The following ZDHHC7 variants were observed in gnomAD, a reference collection of about 807,000 sequenced individuals.
The protein encoded by ZDHHC7 is palmitoyltransferase ZDHHC7.
A neutral mutation model predicts 34.1 loss-of-function variants in ZDHHC7; 12 were observed. That is an observed-to-expected ratio of 0.35 (90% CI 0.23 to 0.57). The LOEUF is 0.57. Among genes scored for constraint, ZDHHC7 ranks in the 20% least tolerant of loss-of-function variants. The pLI is 0.84. For missense variants in ZDHHC7, 388 were observed against 402.7 expected (o/e 0.96, Z 0.31); for synonymous variants, 185 against 155.4 (o/e 1.19, Z -1.42).
chr16:84,999,936 G>T (rs369190706), intron 1 of ZDHHC7, among the ~76,000 whole-genome samples: 15 of 152,232 alleles, frequency 9.9e-5, no homozygotes, highest in East Asian at 5.8e-4. Flanking sequence ...TTAAGCCCAA[G>T]AGTTCAAGAC....
intron 1 of ZDHHC7, among the ~76,000 whole-genome samples, chr16:85,010,877 G>A (rs1279313274): frequency 6.6e-6 from 1 of 152,236 alleles, no homozygotes; most frequent in Admixed American, 6.5e-5. Flanking sequence ...AAGAGGAAGA[G>A]AAGCCACAAC....
the ZDHHC7 span, among the ~76,000 whole-genome samples, chr16:85,023,334 T>A: frequency 6.6e-6 from 1 of 151,972 alleles, no homozygotes; most frequent in East Asian, 1.9e-4. Context: ...CTGGCTAATT[T>A]TCGTATTTTT....
chr16:84,976,571 C>T (rs1455925896), intron 7 of ZDHHC7, 52 bp from the exon 8 acceptor site: 1 of 1,584,936 alleles, frequency 6.3e-7, no homozygotes, highest in African/African-American at 1.4e-5. Context: ...GCTCGGCAGA[C>T]CCCACCAAGC....
At chr16:84,989,709 A>AAAT in intron 3 of ZDHHC7, among the ~76,000 whole-genome samples, 1 of 148,964 alleles carries the variant, frequency 6.7e-6, no homozygotes, top group South Asian at 2.2e-4. Context: ...AAAAAAAAAA[A>AAAT]AAAAAGTCCT....
chr16:85,010,390 AAG>A (rs1184335605), intron 1 of ZDHHC7, among the ~76,000 whole-genome samples: 1 of 152,240 alleles, frequency 6.6e-6, no homozygotes, highest in Non-Finnish European at 1.5e-5. Flanking sequence ...CATAACAAAA[AAG>A]AGATTCTTCA....
chr16:84,978,174 A>T lies in ZDHHC7; in HGVS notation c.538-169T>A. The T allele has an allele frequency of 5.9e-6, 3 of 512,666 alleles. No homozygotes were observed. In the South Asian group the frequency reaches 7.9e-5, roughly 14 times the overall value. The allele number at this position is 512,666 out of a possible 1,614,324, so 31.8% of individuals were successfully genotyped here. A position where few individuals can be genotyped will look rare whatever the true frequency, so the allele number is the denominator to read the frequency against. ...TGCCTCAGCCTCTCAAGTAGCTGAGACTACAAGCACCATGCCCGGCTAACT... is the reference window on the plus strand; with the variant it reads ...TGCCTCAGCCTCTCAAGTAGCTGAGTCTACAAGCACCATGCCCGGCTAACT... On this transcript the variant is annotated intron_variant, in intron 5 of 7. Transcript: ENST00000313732.
chr16:84,989,690 G>A lies in ZDHHC7; in HGVS notation c.315+614C>T, dbSNP rs1273177138. ...GCCTGGGCAAAAAGAGCAAAACTCC[G>A]TCTCAAAAAAAAAAAAAAAAAAAAG... On this transcript the variant is annotated intron_variant, in intron 3 of 7. Transcript: ENST00000313732. Among the ~76,000 whole-genome samples the A allele has an allele frequency of 1.2e-4, 8 of 66,246 alleles. No homozygotes were observed. In the South Asian group the frequency reaches 1.5e-3, roughly 12 times the overall value. The allele number at this position is 66,246 out of a possible 152,430, so 43.5% of individuals were successfully genotyped here. A position where few individuals can be genotyped will look rare whatever the true frequency, so the allele number is the denominator to read the frequency against.
chr16:85,004,829 C>G (rs1390719488), intron 1 of ZDHHC7: 1 of 152,046 alleles, frequency 6.6e-6, no homozygotes, highest in African/African-American at 2.4e-5. Context: ...GCCAGAGGCC[C>G]AAAGGAGCCT....
rs142044973 is a variant in ZDHHC7 at position 84,981,741 on chromosome 16, G to A, written c.440+129C>T. The A allele has an allele frequency of 4.5e-3, 6,981 of 1,543,638 alleles. 64 individuals are homozygous for A. Among genetic ancestry groups the A allele is most frequent in the South Asian group, 0.02 (1,643 of 82,314 alleles). ...GAAAGAACATGACACCTACGGCCCC[G>A]CCCGTACAACGTTGCCCAGATGCTC... On this transcript the variant is annotated intron_variant, in intron 4 of 7. Transcript: ENST00000313732.
chr16:85,004,149 C>A (rs2072687725), intron 1 of ZDHHC7, among the ~76,000 whole-genome samples: 1 of 151,934 alleles, frequency 6.6e-6, no homozygotes, highest in South Asian at 2.1e-4. Context: ...CCCACTCAGT[C>A]ACGACCCCAC....
chr16:85,021,993 A>C, the ZDHHC7 span, among the ~76,000 whole-genome samples: 2 of 150,330 alleles, frequency 1.3e-5, no homozygotes, highest in Non-Finnish European at 3.0e-5. Flanking sequence ...TGTCTGTACT[A>C]AAAATACAAA....
At chr16:84,994,548 A>G (rs1387855968) in intron 2 of ZDHHC7, among the ~76,000 whole-genome samples, 1 of 152,196 alleles carries the variant, frequency 6.6e-6, no homozygotes, top group Non-Finnish European at 1.5e-5. Flanking sequence ...AAAGGCACAC[A>G]TGTGACACCT....
intron 1 of ZDHHC7, among the ~76,000 whole-genome samples, chr16:85,001,288 C>G (rs1419303093): frequency 6.6e-6 from 1 of 151,886 alleles, no homozygotes; most frequent in Admixed American, 6.6e-5. Flanking sequence ...CTAGCCAACA[C>G]GGCGAAACCC....
the ZDHHC7 span, among the ~76,000 whole-genome samples, chr16:85,017,198 C>G: frequency 5.3e-5 from 8 of 152,102 alleles, no homozygotes; most frequent in Middle Eastern, 0.01. Context: ...ATAAGACAAC[C>G]CAATAGAATA....
chr16:85,023,177 T>C, the ZDHHC7 span, among the ~76,000 whole-genome samples: 1 of 151,438 alleles, frequency 6.6e-6, no homozygotes, highest in Non-Finnish European at 1.5e-5. Context: ...TCTTTTTTTT[T>C]TTTTTTTGAG....
At chr16:85,019,496 T>C in the ZDHHC7 span, among the ~76,000 whole-genome samples, 1 of 152,082 alleles carries the variant, frequency 6.6e-6, no homozygotes, top group Non-Finnish European at 1.5e-5. Flanking sequence ...GGCGGGCAGA[T>C]CACCTGAGGT....
intron 7 of ZDHHC7, 37 bp from the exon 8 acceptor site, chr16:84,976,556 AG>A (rs754009913): frequency 6.2e-7 from 1 of 1,603,170 alleles, no homozygotes; most frequent in Non-Finnish European, 8.5e-7. Flanking sequence ...CAGCGGCTCC[AG>A]GAAGCTCGGC....
intron 3 of ZDHHC7, among the ~76,000 whole-genome samples, chr16:84,984,690 A>G (rs1267868698): frequency 6.6e-6 from 1 of 152,170 alleles, no homozygotes; most frequent in African/African-American, 2.4e-5. Context: ...TGCTGGGTCC[A>G]GGGATTCCTT....
intron 2 of ZDHHC7, among the ~76,000 whole-genome samples, chr16:84,994,060 C>A (rs1013104659): frequency 3.9e-5 from 6 of 152,282 alleles, no homozygotes; most frequent in South Asian, 2.1e-4. Flanking sequence ...TCCGCTGAAG[C>A]CCTGGGCACG....
Sources: allele counts gnomAD v4.1 joint callset (sites outside exome capture counted in the v4.1 genomes callset), GRCh38; gene constraint gnomAD v4.1.1; transcripts MANE v1.5; gene names NCBI Gene and HGNC (gene_info 2026-07-23, HGNC 2026-07-21).